The following AKT3 variants were observed in gnomAD, a reference collection of about 807,000 sequenced individuals.
AKT3 encodes RAC-gamma serine/threonine-protein kinase.
A neutral mutation model predicts 65.3 loss-of-function variants in AKT3; 15 were observed. The ratio of observed to expected loss-of-function variants is 0.23; its 90% CI spans 0.15 to 0.35. The LOEUF (loss-of-function observed/expected upper bound fraction) is 0.35, where lower values mean the gene tolerates loss of function less well. AKT3 is among the 10% of genes least tolerant of loss of function. The probability of loss-of-function intolerance (pLI) is 1.00; values close to 1 mark genes in which losing one functional copy is unlikely to be tolerated. For synonymous variants in AKT3, 206 were observed against 183.8 expected, an observed-to-expected ratio of 1.12 and a Z score of -0.98; for missense variants, 243 against 576.5, an observed-to-expected ratio of 0.42 and a Z score of 5.92.
chr1:243,526,779 TAAA>T (rs1180642142), intron 12 of AKT3, among the ~76,000 whole-genome samples: 80 of 15,118 alleles, frequency 5.3e-3, no homozygotes, highest in African/African-American at 0.017. Flanking sequence ...AAAAAATGGT[TAAA>T]AAAAAAAAAA....
intron 4 of AKT3, among the ~76,000 whole-genome samples, chr1:243,662,365 A>G (rs1331537427): frequency 1.3e-5 from 2 of 152,162 alleles, no homozygotes; most frequent in African/African-American, 4.8e-5. Context: ...ACCATGGAAT[A>G]CTATGCAGCC....
chr1:243,553,879 A>G (rs1673241179), intron 10 of AKT3, among the ~76,000 whole-genome samples: 1 of 152,280 alleles, frequency 6.6e-6, no homozygotes, highest in East Asian at 1.9e-4. Flanking sequence ...TTTTAAAACT[A>G]TATTTGATAA....
intron 2 of AKT3, among the ~76,000 whole-genome samples, chr1:243,813,142 C>T (rs1395560896): frequency 6.6e-6 from 1 of 151,722 alleles, no homozygotes; most frequent in Non-Finnish European, 1.5e-5. Flanking sequence ...CAAACCTGCA[C>T]GTTGTGCACA....
intron 8 of AKT3, among the ~76,000 whole-genome samples, chr1:243,604,377 G>C (rs1270562645): frequency 6.6e-6 from 1 of 152,088 alleles, no homozygotes; most frequent in African/African-American, 2.4e-5. Context: ...TAAATGACTT[G>C]AGAGTGAAGA....
intron 9 of AKT3, among the ~76,000 whole-genome samples, chr1:243,564,067 C>T (rs1350399092): frequency 6.6e-6 from 1 of 151,900 alleles, no homozygotes; most frequent in African/African-American, 2.4e-5. Context: ...ATTTTTAAAC[C>T]GATGGGAATA....
intron 8 of AKT3, among the ~76,000 whole-genome samples, chr1:243,605,107 C>T (rs1677297570): frequency 6.6e-6 from 1 of 152,166 alleles, no homozygotes; most frequent in Non-Finnish European, 1.5e-5. Flanking sequence ...TCACTATAAC[C>T]CTGAGTTCCT....
intron 8 of AKT3, among the ~76,000 whole-genome samples, chr1:243,575,554 T>C (rs1014115116): frequency 2.6e-5 from 4 of 152,102 alleles, no homozygotes; most frequent in African/African-American, 9.7e-5. Context: ...CATTAAGCAA[T>C]ATGAATGAAG....
chr1:243,532,494 C>T (rs533016667), intron 12 of AKT3, among the ~76,000 whole-genome samples: 1 of 152,226 alleles, frequency 6.6e-6, no homozygotes, highest in African/African-American at 2.4e-5. Context: ...TCCTTGCATT[C>T]CTGGAATAAA....
At chr1:243,750,565 T>C (rs955415313) in intron 2 of AKT3, among the ~76,000 whole-genome samples, 1 of 152,032 alleles carries the variant, frequency 6.6e-6, no homozygotes, top group Non-Finnish European at 1.5e-5. Context: ...TAGTAAATGC[T>C]TGTTGATTAA....
chr1:243,592,757 C>A (rs540806679), intron 8 of AKT3, among the ~76,000 whole-genome samples: 1 of 152,198 alleles, frequency 6.6e-6, no homozygotes, highest in South Asian at 2.1e-4. Flanking sequence ...GATCTACCCA[C>A]AGGACAGAAA....
At chr1:243,743,677 G>GA (rs1363463642) in intron 2 of AKT3, among the ~76,000 whole-genome samples, 1 of 152,116 alleles carries the variant, frequency 6.6e-6, no homozygotes, top group Non-Finnish European at 1.5e-5. Context: ...GTAAATATAT[G>GA]AAAAAGAGTT....
chr1:243,813,334 A>C (rs1693303217), intron 2 of AKT3, among the ~76,000 whole-genome samples: 1 of 152,154 alleles, frequency 6.6e-6, no homozygotes, highest in Admixed American at 6.5e-5. Flanking sequence ...GATATTCACA[A>C]AACAAGTGAT....
chr1:243,742,336 T>C (rs1688212956), intron 2 of AKT3, among the ~76,000 whole-genome samples: 1 of 152,174 alleles, frequency 6.6e-6, no homozygotes, highest in African/African-American at 2.4e-5. Flanking sequence ...ATAATAAATA[T>C]ACTCAGAGGT....
At chr1:243,616,090 G>A (rs1678285293) in intron 6 of AKT3, among the ~76,000 whole-genome samples, 1 of 151,338 alleles carries the variant, frequency 6.6e-6, no homozygotes, top group South Asian at 2.1e-4. Context: ...TTTTTGGGGA[G>A]CAGGTGGTGT....
rs138053301 is a variant in AKT3 at position 243,597,040 on chromosome 1, G to A, written c.696+16631C>T. Among the ~76,000 whole-genome samples, 548 of 152,278 alleles carry A rather than the reference G, an allele frequency of 3.6e-3. 3 individuals carry two copies. The highest frequency in any genetic ancestry group is 0.013 in the African/African-American group (530 of 41,556). On this transcript the variant is annotated intron_variant, in intron 8 of 13. Coordinates refer to ENST00000673466, the MANE Select transcript of AKT3 (RefSeq NM_005465.7). The stretch of plus-strand genomic sequence containing the variant: ...CAGACCAATGGCTACCTAGGGCCAC[G>A]TGTGGATGTACTATGGGTACAGGGA...
intron 8 of AKT3, among the ~76,000 whole-genome samples, chr1:243,575,698 A>C (rs922857209): frequency 1.3e-5 from 2 of 152,164 alleles, no homozygotes; most frequent in African/African-American, 4.8e-5. Flanking sequence ...AGATAAGAAA[A>C]AGCTTTACCT....
intron 2 of AKT3, among the ~76,000 whole-genome samples, chr1:243,764,170 A>G (rs1369740865): frequency 6.6e-6 from 1 of 152,124 alleles, no homozygotes; most frequent in Non-Finnish European, 1.5e-5. Flanking sequence ...CAAAATTCTC[A>G]TGTCAAAATT....
chr1:243,819,336 C>T (rs902720900), intron 2 of AKT3, among the ~76,000 whole-genome samples: 3 of 152,184 alleles, frequency 2.0e-5, no homozygotes, highest in Non-Finnish European at 1.5e-5. Flanking sequence ...GGTTTGGACC[C>T]AGGAGAAATT....
intron 2 of AKT3, among the ~76,000 whole-genome samples, chr1:243,769,243 G>GA (rs748329416): frequency 9.9e-5 from 15 of 152,128 alleles, no homozygotes; most frequent in Non-Finnish European, 1.6e-4. Context: ...TGTGGTTTGG[G>GA]AGGCAATTAC....
Sources: gnomAD v4.1 joint callset for allele counts (sites outside exome capture counted in the v4.1 genomes callset) on GRCh38, gnomAD v4.1.1 for gene constraint, MANE v1.5 for transcripts, NCBI Gene and HGNC (gene_info 2026-07-23, HGNC 2026-07-21) for gene names.